The following CNTLN variants were observed in gnomAD, a reference collection of about 807,000 sequenced individuals.
CNTLN encodes centlein.
Under a neutral mutation model 180.0 loss-of-function variants are expected in CNTLN, and 212 were observed. That is an observed-to-expected ratio of 1.18 (90% confidence interval 1.05 to 1.32). The LOEUF is 1.32. Among genes scored for constraint, CNTLN ranks in the 40% most tolerant of loss-of-function variants. The probability of loss-of-function intolerance (pLI) is 0.00; values close to 1 mark genes in which losing one functional copy is unlikely to be tolerated. For missense variants in CNTLN, 2,095 were observed against 1,610.9 expected, an observed-to-expected ratio of 1.30 and a Z score of -5.14; for synonymous variants, 722 against 563.1, an observed-to-expected ratio of 1.28 and a Z score of -3.99.
intron 7 of CNTLN, chr9:17,299,367 A>C: frequency 3.0e-6 from 2 of 673,478 alleles, no homozygotes; most frequent in Non-Finnish European, 3.7e-6. Context: ...ATAGTAGTTG[A>C]GGCAAGTGAG....
At chr9:17,210,141 G>A (rs1823190974) in intron 2 of CNTLN, among the ~76,000 whole-genome samples, 1 of 152,058 alleles carries the variant, frequency 6.6e-6, no homozygotes, top group East Asian at 1.9e-4. Flanking sequence ...GTATACATGT[G>A]CCATGTTGGT....
In CNTLN at chr9:17,409,297, G is replaced by C. The variant is rs1282217008; in HGVS notation, c.2620G>C (p.Asp874His). 1.9e-6 allele frequency: 3 copies of C among 1,607,024 alleles called. No individual in the cohort carries two copies. The highest frequency in any genetic ancestry group is 2.2e-5 in the East Asian group (1 of 44,690). ...TCCCTACTTTTTTCTAAAAAGCAGT[G>C]ATTCTGAAGCACAGACCTCTCAAAC... ...GWEDVSESSS[D>H]SEAQTSQTLG... Residue 874 changes from aspartate to histidine, a missense_variant, in exon 16 of 26, where the codon GAT becomes CAT. By Grantham distance (81) the Asp-to-His change is moderately conservative. Coordinates refer to ENST00000380647, the MANE Select transcript of CNTLN (RefSeq NM_017738.4).
At chr9:17,515,043 T>C in the CNTLN span, among the ~76,000 whole-genome samples, 1 of 152,216 alleles carries the variant, frequency 6.6e-6, no homozygotes, top group Admixed American at 6.5e-5. Flanking sequence ...TTTATTCCAT[T>C]GTCATTTTTG....
chr9:17,300,376 G>A (rs1360901044), intron 7 of CNTLN: 1 of 152,010 alleles, frequency 6.6e-6, no homozygotes, highest in Non-Finnish European at 1.5e-5. Flanking sequence ...GTATACTCTA[G>A]GAAAGAGTAT....
chr9:17,135,291 C>T lies in CNTLN; in HGVS notation c.226C>T (p.His76Tyr), dbSNP rs759347704. The change falls in exon 1 of 26, where the codon CAT becomes TAT. Residue 76 changes from histidine (H) to tyrosine (Y), a missense_variant. Transcript: ENST00000380647. ...RRGPGGAAPA[H>Y]APLLSAPMGS... ...AGGGCCTGGGGGGGCAGCTCCGGCT[C>T]ATGCTCCCCTCCTCAGCGCGCCCAT... The T allele has an allele frequency of 3.1e-6, 5 of 1,600,692 alleles. No individual in the cohort carries two copies. In the South Asian group the frequency reaches 5.7e-5, roughly 18 times the overall value.
intron 18 of CNTLN, among the ~76,000 whole-genome samples, chr9:17,425,943 T>C (rs947202020): frequency 1.3e-5 from 2 of 152,172 alleles, no homozygotes; most frequent in Middle Eastern, 3.2e-3. Flanking sequence ...TTGGAAGATA[T>C]GGATATTTTT....
chr9:17,256,902 T>TTTTGG (rs1323798343), intron 5 of CNTLN, among the ~76,000 whole-genome samples: 8 of 151,930 alleles, frequency 5.3e-5, no homozygotes, highest in Admixed American at 5.3e-4. Context: ...AATGATTCCA[T>TTTTGG]TTTGGTTTGG....
chr9:17,485,623 C>G (rs1832852465), intron 24 of CNTLN, among the ~76,000 whole-genome samples: 1 of 152,012 alleles, frequency 6.6e-6, no homozygotes. Context: ...GAAACCTAAC[C>G]AAAATTTAAG....
chr9:17,207,499 A>G (rs536080820), intron 2 of CNTLN, among the ~76,000 whole-genome samples: 15 of 152,302 alleles, frequency 9.8e-5, no homozygotes, highest in Admixed American at 9.8e-4. Flanking sequence ...ACACGAGGGA[A>G]TCTTCCGTTG....
At chr9:17,422,694 A>T (rs1828805175) in intron 18 of CNTLN, among the ~76,000 whole-genome samples, 1 of 152,070 alleles carries the variant, frequency 6.6e-6, no homozygotes, top group South Asian at 2.1e-4. Flanking sequence ...TATCTCTGTC[A>T]CCCTGGGATT....
intron 8 of CNTLN, among the ~76,000 whole-genome samples, chr9:17,310,744 C>A (rs988023847): frequency 6.6e-6 from 1 of 152,120 alleles, no homozygotes; most frequent in Non-Finnish European, 1.5e-5. Flanking sequence ...TGTTGTCAGA[C>A]TTCTTAATTC....
chr9:17,216,039 G>A (rs1008417375), intron 2 of CNTLN, among the ~76,000 whole-genome samples: 1 of 151,960 alleles, frequency 6.6e-6, no homozygotes. Flanking sequence ...GCTCACATTC[G>A]GTGGGCTGCA....
chr9:17,348,386 A>G lies in CNTLN; in HGVS notation c.1886+5942A>G, dbSNP rs568841303. On this transcript the variant is annotated intron_variant, in intron 12 of 25. Transcript: ENST00000380647. ...ATGCCTGAGGGAGAAGGTCACGTCA[A>G]TACTACTAGGAAAAGATGGGAGACT... 2.6e-5 allele frequency among the ~76,000 whole-genome samples: 4 copies of G among 152,292 alleles called. No individual in the cohort carries two copies. In the East Asian group the frequency reaches 7.7e-4, roughly 29 times the overall value.
intron 18 of CNTLN, among the ~76,000 whole-genome samples, chr9:17,418,016 C>T (rs143978756): frequency 2.6e-5 from 4 of 151,868 alleles, no homozygotes; most frequent in Admixed American, 6.6e-5. Flanking sequence ...TGAAGTTACC[C>T]TCAATTCTAG....
At chr9:17,434,278 C>T (rs1352473155) in intron 18 of CNTLN, among the ~76,000 whole-genome samples, 1 of 150,996 alleles carries the variant, frequency 6.6e-6, no homozygotes, top group African/African-American at 2.4e-5. Context: ...TTTTTTTCTG[C>T]TTGCTTTGGG....
chr9:17,455,803 G>GTGGCAGGCGGGTTTGGGGAA (rs1831077210), intron 18 of CNTLN, among the ~76,000 whole-genome samples: 1 of 34,884 alleles, frequency 2.9e-5, no homozygotes, highest in South Asian at 6.1e-4. Flanking sequence ...GGTTTGGGGA[G>GTGGCAGGCGGGTTTGGGGAA]TGGCAGGCAG....
chr9:17,367,780 C>T (rs1037010831), intron 13 of CNTLN, among the ~76,000 whole-genome samples: 1 of 152,080 alleles, frequency 6.6e-6, no homozygotes, highest in African/African-American at 2.4e-5. Flanking sequence ...GGCAAGGATG[C>T]AGTCCCGGCA....
At chr9:17,466,240 C>A in intron 22 of CNTLN, 122 bp downstream of exon 22, 1 of 753,886 alleles carries the variant, frequency 1.3e-6, no homozygotes, top group Non-Finnish European at 2.2e-6. Flanking sequence ...CAGATAAGTG[C>A]AAAGAGGATT....
At chr9:17,451,654 T>C (rs1338139330) in intron 18 of CNTLN, among the ~76,000 whole-genome samples, 7 of 152,180 alleles carry the variant, frequency 4.6e-5, no homozygotes, top group Admixed American at 4.6e-4. Context: ...TGCTCCAGCA[T>C]GGACTGCAAA....
Sources: allele counts gnomAD v4.1 joint callset (sites outside exome capture counted in the v4.1 genomes callset), GRCh38; gene constraint gnomAD v4.1.1; transcripts MANE v1.5; gene names NCBI Gene and HGNC (gene_info 2026-07-23, HGNC 2026-07-21).